Variants in ARL13B observed in about 807,000 individuals in gnomAD.
The protein encoded by ARL13B is ADP-ribosylation factor-like protein 13B.
In ARL13B, 36 loss-of-function variants were observed where a neutral mutation model predicts 56.1. That is an observed-to-expected ratio of 0.64 (90% CI 0.49 to 0.85). The LOEUF (loss-of-function observed/expected upper bound fraction) is 0.85. ARL13B is among the 40% of genes least tolerant of loss of function. The pLI, the probability that ARL13B is intolerant of heterozygous loss-of-function variation, is 0.00. For missense variants in ARL13B, 519 were observed against 507.1 expected, an observed-to-expected ratio of 1.02 and a Z score of -0.23; for synonymous variants, 178 against 171.1, an observed-to-expected ratio of 1.04 and a Z score of -0.32.
chr3:93,992,747 A>G (rs1469080606), intron 1 of ARL13B, among the ~76,000 whole-genome samples: 1 of 152,194 alleles, frequency 6.6e-6, no homozygotes, highest in Non-Finnish European at 1.5e-5. Flanking sequence ...CCAATTCATT[A>G]TATCTCTAGT....
At chr3:94,045,206 G>A (rs1043731575) in intron 7 of ARL13B, among the ~76,000 whole-genome samples, 5 of 152,136 alleles carry the variant, frequency 3.3e-5, no homozygotes, top group Admixed American at 3.3e-4. Context: ...GATTAAGGGC[G>A]GTGCAAGATG....
chr3:94,015,394 C>G, intron 3 of ARL13B: 1 of 716,214 alleles, frequency 1.4e-6, no homozygotes, highest in Non-Finnish European at 2.1e-6. Flanking sequence ...CTAGTTTTCT[C>G]AAATGAGGTT....
chr3:94,021,352 G>T (rs1455554423), intron 3 of ARL13B, among the ~76,000 whole-genome samples: 1 of 151,802 alleles, frequency 6.6e-6, no homozygotes, highest in Non-Finnish European at 1.5e-5. Flanking sequence ...CCATCACCAT[G>T]CCCAGATAAT....
intron 3 of ARL13B, among the ~76,000 whole-genome samples, chr3:94,034,024 G>A (rs1416122795): frequency 2.6e-5 from 4 of 152,090 alleles, no homozygotes; most frequent in Non-Finnish European, 5.9e-5. Context: ...GATAAGTAAC[G>A]TATATTGGAC....
At chr3:94,036,459 A>T in intron 4 of ARL13B, 93 bp from the exon 5 acceptor site, 1 of 1,324,874 alleles carries the variant, frequency 7.5e-7, no homozygotes, top group Non-Finnish European at 1.1e-6. Context: ...TAAATGGCTT[A>T]ATTTTGATTT....
chr3:93,997,114 G>A (rs2075981393), intron 2 of ARL13B, among the ~76,000 whole-genome samples: 2 of 151,800 alleles, frequency 1.3e-5, no homozygotes, highest in South Asian at 4.2e-4. Context: ...ACAAGCTTGG[G>A]GTCCCACTGA....
chr3:94,004,016 T>A, intron 3 of ARL13B, 108 bp downstream of exon 3: 1 of 1,495,016 alleles, frequency 6.7e-7, no homozygotes. Context: ...CGCTTTAGTA[T>A]ACTAAAATGT....
At chr3:94,052,202 T>C (rs920813690) in intron 9 of ARL13B, among the ~76,000 whole-genome samples, 2 of 152,170 alleles carry the variant, frequency 1.3e-5, no homozygotes, top group African/African-American at 4.8e-5. Flanking sequence ...ATACCAATTT[T>C]TCATATGACA....
intron 3 of ARL13B, among the ~76,000 whole-genome samples, chr3:94,029,323 TATATA>T (rs1559997566): frequency 2.0e-5 from 2 of 101,442 alleles, no homozygotes; most frequent in African/African-American, 9.7e-5. Context: ...TATATATATA[TATATA>T]TATATATTTA....
intron 3 of ARL13B, among the ~76,000 whole-genome samples, chr3:94,004,932 G>C (rs768759635): frequency 5.3e-5 from 8 of 152,078 alleles, no homozygotes; most frequent in Non-Finnish European, 7.4e-5. Context: ...CTAAATTGGT[G>C]TTTACAGATG....
chr3:94,006,737 T>G (rs1256382968), intron 3 of ARL13B, among the ~76,000 whole-genome samples: 2 of 152,378 alleles, frequency 1.3e-5, no homozygotes, highest in East Asian at 3.9e-4. Flanking sequence ...ATAATTTTAC[T>G]GCTTCTTAGC....
At chr3:93,999,200 C>T (rs1205202974) in intron 2 of ARL13B, among the ~76,000 whole-genome samples, 1 of 151,830 alleles carries the variant, frequency 6.6e-6, no homozygotes, top group South Asian at 2.1e-4. Context: ...CTTGGCCTCC[C>T]GAAGTGTTGG....
intron 3 of ARL13B, among the ~76,000 whole-genome samples, chr3:94,009,315 C>T (rs1190572125): frequency 2.0e-5 from 3 of 151,936 alleles, no homozygotes; most frequent in Non-Finnish European, 2.9e-5. Flanking sequence ...ATTACTTTTT[C>T]AACATGAGAT....
intron 3 of ARL13B, among the ~76,000 whole-genome samples, chr3:94,029,410 C>T (rs566342880): frequency 2.9e-5 from 4 of 138,828 alleles, no homozygotes; most frequent in East Asian, 4.3e-4. Flanking sequence ...TGCAGTGGCA[C>T]GATCTTGGCT....
chr3:93,992,600 A>C (rs568452485), intron 1 of ARL13B, among the ~76,000 whole-genome samples: 2 of 152,310 alleles, frequency 1.3e-5, no homozygotes, highest in Admixed American at 1.3e-4. Flanking sequence ...AATGATGTAA[A>C]CTAGTAGAAA....
In ARL13B at chr3:94,003,586, A is replaced by G. The variant is rs2076087072; in HGVS notation, c.131-73A>G. 6 of 1,548,772 alleles carry G rather than the reference A, an allele frequency of 3.9e-6. No individual in the cohort carries two copies. The Admixed American group carries it at 8.7e-5, about 22-fold the overall frequency. On this transcript the variant is annotated intron_variant, in intron 2 of 9. Coordinates refer to ENST00000394222, the MANE Select transcript of ARL13B (RefSeq NM_001174150.2). Reference sequence around the variant, plus strand: ...GCTAAATATTTCACTTGGGTGCTAAAATTTTAGTTGAAAAATTAACGTTGT... The same window carrying G: ...GCTAAATATTTCACTTGGGTGCTAAGATTTTAGTTGAAAAATTAACGTTGT...
At chr3:94,025,569 A>G (rs1012795440) in intron 3 of ARL13B, among the ~76,000 whole-genome samples, 2 of 152,194 alleles carry the variant, frequency 1.3e-5, no homozygotes, top group Admixed American at 6.5e-5. Context: ...AATGTGGGCA[A>G]GTGTATTTAG....
intron 3 of ARL13B, among the ~76,000 whole-genome samples, chr3:94,025,859 C>G (rs1449495241): frequency 6.6e-6 from 1 of 152,132 alleles, no homozygotes; most frequent in Non-Finnish European, 1.5e-5. Flanking sequence ...TCCTAGTTAA[C>G]TGTTTCATCT....
intron 3 of ARL13B, among the ~76,000 whole-genome samples, chr3:94,029,636 C>T (rs937925592): frequency 2.0e-5 from 3 of 151,788 alleles, no homozygotes; most frequent in African/African-American, 2.4e-5. Flanking sequence ...CCACCATGCC[C>T]GGCCAATCAC....
Sources: gnomAD v4.1 joint callset for allele counts (sites outside exome capture counted in the v4.1 genomes callset) on GRCh38, gnomAD v4.1.1 for gene constraint, MANE v1.5 for transcripts, NCBI Gene and HGNC (gene_info 2026-07-23, HGNC 2026-07-21) for gene names.